Variants in RBPJ observed in about 807,000 individuals in gnomAD.
RBPJ encodes recombining binding protein suppressor of hairless.
Under a neutral mutation model 67.8 loss-of-function variants are expected in RBPJ, and 9 were observed. That is an observed-to-expected ratio of 0.13 (90% CI 0.08 to 0.23). RBPJ has a LOEUF of 0.23. Among genes scored for constraint, RBPJ ranks in the 10% least tolerant of loss-of-function variants. The pLI, the probability that RBPJ is intolerant of heterozygous loss-of-function variation, is 1.00. For synonymous variants in RBPJ, 198 were observed against 203.3 expected (o/e 0.97, Z 0.22); for missense variants, 305 against 595.6 (o/e 0.51, Z 5.08).
At chr4:26,320,118 C>T (rs1422815176), upstream of RBPJ, among the ~76,000 whole-genome samples, 1 of 152,188 alleles carries the variant, frequency 6.6e-6, no homozygotes, top group Non-Finnish European at 1.5e-5. Context: ...CTTAGAGAGG[C>T]CATGCAGCAC....
upstream of RBPJ, among the ~76,000 whole-genome samples, chr4:26,318,624 C>T (rs1394640828): frequency 1.3e-5 from 2 of 152,070 alleles, no homozygotes; most frequent in Admixed American, 6.6e-5. Flanking sequence ...GGCAACAAGG[C>T]GAGAGCGCAG....
intron 1 of RBPJ, among the ~76,000 whole-genome samples, chr4:26,194,113 G>C (rs1417439372): frequency 6.6e-6 from 1 of 152,220 alleles, no homozygotes; most frequent in Non-Finnish European, 1.5e-5. Flanking sequence ...AGACACACAG[G>C]TGTTTATCCA....
intron 4 of RBPJ, among the ~76,000 whole-genome samples, chr4:26,418,200 G>T (rs528300611): frequency 6.6e-6 from 1 of 152,228 alleles, no homozygotes; most frequent in Non-Finnish European, 1.5e-5. Flanking sequence ...ATTGCCTAAA[G>T]ATCTTGTTTT....
chr4:26,414,337 T>G (rs2109780019), intron 3 of RBPJ, among the ~76,000 whole-genome samples: 1 of 151,996 alleles, frequency 6.6e-6, no homozygotes, highest in African/African-American at 2.4e-5. Context: ...GCCCACTAAT[T>G]TTTGTATTTT....
intron 1 of RBPJ, among the ~76,000 whole-genome samples, chr4:26,224,804 A>G (rs1719030150): frequency 1.3e-5 from 2 of 152,230 alleles, no homozygotes; most frequent in Admixed American, 6.5e-5. Context: ...ATTGACAAAC[A>G]GTTTTCCAGA....
At chr4:26,360,565 C>T (rs1018868299) in intron 1 of RBPJ, among the ~76,000 whole-genome samples, 2 of 148,122 alleles carry the variant, frequency 1.4e-5, no homozygotes, top group Admixed American at 6.8e-5. Context: ...AGCATGGAAG[C>T]GGAATGTTTT....
rs116417518 is a variant in RBPJ at position 26,412,317 on chromosome 4, C to T, written c.156-3158C>T. On this transcript the variant is annotated intron_variant, in intron 3 of 10. Coordinates refer to ENST00000355476, the MANE Select transcript of RBPJ (RefSeq NM_015874.6). ...GCACTATCTTGGCTCGCTGCAACCCCACCTACTGGGTTCAAGCGATTCTCA... is the reference window on the plus strand; with the variant it reads ...GCACTATCTTGGCTCGCTGCAACCCTACCTACTGGGTTCAAGCGATTCTCA... Among the ~76,000 whole-genome samples, 1,195 of 152,154 alleles carry T rather than the reference C, an allele frequency of 7.9e-3. 12 individuals are homozygous for T. The highest frequency in any genetic ancestry group is 0.027 in the African/African-American group (1,141 of 41,534).
intron 1 of RBPJ, among the ~76,000 whole-genome samples, chr4:26,298,421 C>A (rs1721957518): frequency 6.6e-6 from 1 of 152,082 alleles, no homozygotes; most frequent in Non-Finnish European, 1.5e-5. Flanking sequence ...TTGGAACTAG[C>A]ATAGCACAAA....
chr4:26,280,918 T>C (rs1721253154), intron 1 of RBPJ, among the ~76,000 whole-genome samples: 1 of 152,168 alleles, frequency 6.6e-6, no homozygotes, highest in South Asian at 2.1e-4. Flanking sequence ...ACTGCTACCA[T>C]TTGCAACTAT....
chr4:26,315,167 A>AAAAAAAAAATATAT (rs1325689348), upstream of RBPJ, among the ~76,000 whole-genome samples: 3 of 74,762 alleles, frequency 4.0e-5, no homozygotes, highest in African/African-American at 1.3e-4. Flanking sequence ...AAAAAAAAAA[A>AAAAAAAAAATATAT]ATATATATAT....
chr4:26,387,167 T>C (rs1431293357), intron 2 of RBPJ, among the ~76,000 whole-genome samples: 1 of 152,194 alleles, frequency 6.6e-6, no homozygotes, highest in Non-Finnish European at 1.5e-5. Flanking sequence ...TCATACCACT[T>C]TTAATATTTC....
intron 1 of RBPJ, among the ~76,000 whole-genome samples, chr4:26,373,948 T>C (rs910327019): frequency 6.9e-6 from 1 of 145,774 alleles, no homozygotes; most frequent in Non-Finnish European, 1.5e-5. Flanking sequence ...AGATGGAGTC[T>C]TGCTCTGTCA....
Position 26,329,284 on chromosome 4 carries a change from T to A in RBPJ, c.20+8236T>A, listed in dbSNP as rs567935921. Among the ~76,000 whole-genome samples the A allele has an allele frequency of 2.8e-4, 42 of 152,226 alleles. 1 individual carries two copies. In the South Asian group the frequency reaches 8.5e-3, roughly 31 times the overall value. On this transcript the variant is annotated intron_variant, in intron 1 of 10. Coordinates refer to ENST00000355476, the MANE Select transcript of RBPJ (RefSeq NM_015874.6). Reference sequence around the variant, plus strand: ...CTAGGATTACAGGCATGAGCCACCGTTCCTGGCGGCATTGAGGGTTTTAAG... The same window carrying A: ...CTAGGATTACAGGCATGAGCCACCGATCCTGGCGGCATTGAGGGTTTTAAG...
At chr4:26,151,855 T>A in the RBPJ span, among the ~76,000 whole-genome samples, 2 of 152,208 alleles carry the variant, frequency 1.3e-5, no homozygotes, top group Non-Finnish European at 2.9e-5. Context: ...CCTCTTCTCC[T>A]GTCTGGAAAA....
intron 1 of RBPJ, among the ~76,000 whole-genome samples, chr4:26,261,088 C>T (rs1215942881): frequency 4.6e-5 from 7 of 152,042 alleles, no homozygotes; most frequent in African/African-American, 9.7e-5. Flanking sequence ...ATGCCCACCT[C>T]ATAGATGAGG....
At chr4:26,262,414 T>G (rs1280900014) in intron 1 of RBPJ, among the ~76,000 whole-genome samples, 1 of 152,186 alleles carries the variant, frequency 6.6e-6, no homozygotes, top group South Asian at 2.1e-4. Flanking sequence ...TCTCCTATTA[T>G]GCAAGATTAT....
At chr4:26,162,060 C>T (rs571657057), upstream of RBPJ, among the ~76,000 whole-genome samples, 3 of 152,214 alleles carry the variant, frequency 2.0e-5, no homozygotes, top group Admixed American at 6.5e-5. Context: ...AATCAGGACT[C>T]TGCCAACAAG....
At chr4:26,334,065 G>A (rs1207063652) in intron 1 of RBPJ, among the ~76,000 whole-genome samples, 1 of 150,386 alleles carries the variant, frequency 6.6e-6, no homozygotes, top group Admixed American at 6.6e-5. Flanking sequence ...TTTTTTGATG[G>A]AGTCTCGCTC....
intron 1 of RBPJ, among the ~76,000 whole-genome samples, chr4:26,242,273 C>G (rs895449904): frequency 1.3e-5 from 2 of 151,884 alleles, no homozygotes; most frequent in African/African-American, 4.8e-5. Flanking sequence ...TGGTGAAACC[C>G]CATCTCTACT....
Sources: allele counts gnomAD v4.1 joint callset (sites outside exome capture counted in the v4.1 genomes callset), GRCh38; gene constraint gnomAD v4.1.1; transcripts MANE v1.5; gene names NCBI Gene and HGNC (gene_info 2026-07-23, HGNC 2026-07-21).